The following MYRIP variants were observed in gnomAD, a reference collection of about 807,000 sequenced individuals.
MYRIP encodes rab effector MyRIP.
MYRIP carries 49 observed loss-of-function variants against 98.0 expected under a neutral mutation model. The observed-to-expected ratio is 0.50, with a 90% confidence interval of 0.40 to 0.63. The LOEUF (loss-of-function observed/expected upper bound fraction) is 0.63, where lower values mean the gene tolerates loss of function less well. MYRIP is among the 30% of genes least tolerant of loss of function. The pLI is 0.00. For missense variants in MYRIP, 1,004 were observed against 1,058.2 expected, an observed-to-expected ratio of 0.95 and a Z score of 0.71; for synonymous variants, 404 against 409.5, an observed-to-expected ratio of 0.99 and a Z score of 0.16.
intron 4 of MYRIP, among the ~76,000 whole-genome samples, chr3:40,162,482 A>G (rs889086496): frequency 6.6e-6 from 1 of 152,218 alleles, no homozygotes; most frequent in African/African-American, 2.4e-5. Context: ...ATTGCCTGCA[A>G]AGAAGGTTTG....
At chr3:40,031,889 A>C (rs1161910746) in intron 2 of MYRIP, among the ~76,000 whole-genome samples, 1 of 151,358 alleles carries the variant, frequency 6.6e-6, no homozygotes, top group Non-Finnish European at 1.5e-5. Flanking sequence ...TTTCTTCTTT[A>C]TTAGTCTTGC....
intron 1 of MYRIP, among the ~76,000 whole-genome samples, chr3:39,842,760 C>CT: frequency 6.6e-6 from 1 of 152,160 alleles, no homozygotes; most frequent in East Asian, 1.9e-4. Flanking sequence ...ATTACCCCCC[C>CT]TGCTTCTGTC....
In MYRIP at chr3:40,124,578, T is replaced by C. The variant is rs532127220; in HGVS notation, c.333-26470T>C. The stretch of plus-strand genomic sequence containing the variant: ...ACCCACACCTTTCTCCCAGCATTTG[T>C]TTTTGGTTCTCTATTTGAGGCTTCT... On this transcript the variant is annotated intron_variant, in intron 3 of 16. Transcript: ENST00000302541. Among the ~76,000 whole-genome samples the C allele has an allele frequency of 1.2e-3, 180 of 152,268 alleles. 3 individuals carry two copies. The South Asian group carries it at 0.035, about 30-fold the overall frequency.
At chr3:39,837,377 T>A (rs1212640003) in intron 1 of MYRIP, among the ~76,000 whole-genome samples, 1 of 152,210 alleles carries the variant, frequency 6.6e-6, no homozygotes, top group Non-Finnish European at 1.5e-5. Context: ...TAATCCATCT[T>A]GAGTTAATTT....
intron 2 of MYRIP, among the ~76,000 whole-genome samples, chr3:40,016,416 A>G (rs1423013029): frequency 6.6e-6 from 1 of 152,102 alleles, no homozygotes; most frequent in African/African-American, 2.4e-5. Context: ...GCCTCCTTCA[A>G]GCCTTTTCCC....
At position 39,980,940 on chromosome 3, in the gene MYRIP, C is replaced by T. The variant is rs79936030; in HGVS notation, c.111-63110C>T. Among the ~76,000 whole-genome samples, 1,426 of 152,034 alleles carry T rather than the reference C, an allele frequency of 9.4e-3. 24 individuals carry two copies. The highest frequency in any genetic ancestry group is 0.032 in the African/African-American group (1,307 of 41,456). Reference sequence around the variant, plus strand: ...GGGTATAGAGTTTAGTTTTACAAGACGAAGAGAATTATGGAGATGGAGATG... The same window carrying T: ...GGGTATAGAGTTTAGTTTTACAAGATGAAGAGAATTATGGAGATGGAGATG... On this transcript the variant is annotated intron_variant, in intron 2 of 16. Transcript: ENST00000302541.
At chr3:39,986,803 G>A (rs186060776) in intron 2 of MYRIP, among the ~76,000 whole-genome samples, 35 of 152,208 alleles carry the variant, frequency 2.3e-4, no homozygotes, top group Admixed American at 2.0e-3. Context: ...TTTTCTCAAG[G>A]TGGGACCAAC....
At chr3:40,033,377 G>T (rs1947303419) in intron 2 of MYRIP, among the ~76,000 whole-genome samples, 1 of 151,920 alleles carries the variant, frequency 6.6e-6, no homozygotes, top group Non-Finnish European at 1.5e-5. Context: ...CAAAGTGTCA[G>T]GATACAAAAT....
intron 3 of MYRIP, among the ~76,000 whole-genome samples, chr3:40,117,161 G>A (rs1949299573): frequency 6.6e-6 from 1 of 152,138 alleles, no homozygotes; most frequent in Non-Finnish European, 1.5e-5. Context: ...TGACATTTTT[G>A]TAGCTCACTG....
intron 11 of MYRIP, among the ~76,000 whole-genome samples, chr3:40,226,877 G>A (rs998494531): frequency 1.2e-4 from 19 of 152,090 alleles, no homozygotes; most frequent in South Asian, 4.1e-4. Context: ...GCTGGCATTC[G>A]GGGCACTGTA....
intron 2 of MYRIP, among the ~76,000 whole-genome samples, chr3:39,933,690 A>C (rs550324709): frequency 6.6e-6 from 1 of 152,344 alleles, no homozygotes; most frequent in African/African-American, 2.4e-5. Flanking sequence ...AAAATATCAA[A>C]CTTTGCAAAA....
chr3:39,821,505 T>C lies in MYRIP; in HGVS notation c.-31+11589T>C, dbSNP rs552841601. ...TCTTTATTATTTCTTTCCTATTTCT[T>C]TGGGTTTTTTTTCTCTAATCTCTTA... On this transcript the variant is annotated intron_variant, in intron 1 of 16. Transcript: ENST00000302541. Among the ~76,000 whole-genome samples the C allele has an allele frequency of 2.7e-5, 4 of 147,484 alleles. No homozygotes were observed. The South Asian group carries it at 8.3e-4, about 31-fold the overall frequency.
chr3:40,083,163 A>T (rs1184896786), intron 3 of MYRIP, among the ~76,000 whole-genome samples: 2 of 152,224 alleles, frequency 1.3e-5, no homozygotes, highest in Non-Finnish European at 2.9e-5. Context: ...AACAGGCATA[A>T]TTCTATGTCT....
At chr3:40,123,076 C>T (rs1949438521) in intron 3 of MYRIP, among the ~76,000 whole-genome samples, 1 of 152,048 alleles carries the variant, frequency 6.6e-6, no homozygotes, top group African/African-American at 2.4e-5. Context: ...AAAAAGCAGC[C>T]AATGATTTGG....
intron 10 of MYRIP, among the ~76,000 whole-genome samples, chr3:40,196,237 G>T (rs752888948): frequency 6.6e-6 from 1 of 151,258 alleles, no homozygotes; most frequent in East Asian, 1.9e-4. Flanking sequence ...TTGCTTCCTA[G>T]TCTGTTAATT....
chr3:39,813,267 T>G (rs1395130119), intron 1 of MYRIP, among the ~76,000 whole-genome samples: 2 of 152,138 alleles, frequency 1.3e-5, no homozygotes, highest in African/African-American at 4.8e-5. Context: ...CATGCCCAAG[T>G]GACCCGGGAG....
chr3:40,149,460 A>C (rs946570209), intron 3 of MYRIP, among the ~76,000 whole-genome samples: 1 of 152,192 alleles, frequency 6.6e-6, no homozygotes, highest in African/African-American at 2.4e-5. Flanking sequence ...TATCCAAACT[A>C]TATCAGCTTC....
At chr3:40,146,318 G>A (rs1342366343) in intron 3 of MYRIP, among the ~76,000 whole-genome samples, 1 of 152,172 alleles carries the variant, frequency 6.6e-6, no homozygotes, top group African/African-American at 2.4e-5. Context: ...GACTATCTGT[G>A]GGGAACTGTT....
chr3:39,890,075 T>C (rs1483251637), intron 1 of MYRIP, among the ~76,000 whole-genome samples: 1 of 152,120 alleles, frequency 6.6e-6, no homozygotes, highest in Non-Finnish European at 1.5e-5. Context: ...TGTTTATTTA[T>C]TTCATCATTT....
Sources: allele counts gnomAD v4.1 joint callset (sites outside exome capture counted in the v4.1 genomes callset), GRCh38; gene constraint gnomAD v4.1.1; transcripts MANE v1.5; gene names NCBI Gene and HGNC (gene_info 2026-07-23, HGNC 2026-07-21).